Variants in CAPN13 observed in about 807,000 individuals in gnomAD.
The protein encoded by CAPN13 is calpain-13.
A neutral mutation model predicts 98.4 loss-of-function variants in CAPN13; 90 were observed. The ratio of observed to expected loss-of-function variants is 0.92; its 90% confidence interval spans 0.77 to 1.09. CAPN13 has a LOEUF of 1.09. Among genes scored for constraint, CAPN13 ranks in the 50% least tolerant of loss-of-function variants. The pLI, the probability that CAPN13 is intolerant of heterozygous loss-of-function variation, is 0.00. For synonymous variants in CAPN13, 330 were observed against 305.5 expected (o/e 1.08, Z -0.84); for missense variants, 887 against 841.3 (o/e 1.05, Z -0.67).
intron 12 of CAPN13, 86 bp from the exon 13 acceptor site, chr2:30,743,665 G>T: frequency 1.7e-6 from 2 of 1,148,166 alleles, no homozygotes; most frequent in South Asian, 1.3e-5. Flanking sequence ...CCACCTTCTA[G>T]ACCGTCTCCA....
chr2:30,797,821 C>G (rs1674963977), intron 1 of CAPN13, among the ~76,000 whole-genome samples: 2 of 152,238 alleles, frequency 1.3e-5, no homozygotes, highest in South Asian at 4.1e-4. Flanking sequence ...TTGCCTCTGG[C>G]CCTAAGCCAT....
Position 30,754,294 on chromosome 2 carries a change from A to G in CAPN13, c.937T>C (p.Phe313Leu), listed in dbSNP as rs1242921780. The G allele has an allele frequency of 2.5e-6, 4 of 1,603,296 alleles. No homozygotes were observed. The highest frequency in any genetic ancestry group is 3.4e-6 in the Non-Finnish European group (4 of 1,175,292). ...TTGTATAAGAAGGGTAAATACCAAAACTCGCCATCTTCCCGTTTCTTATGT... is the reference window on the plus strand; with the variant it reads ...TTGTATAAGAAGGGTAAATACCAAAGCTCGCCATCTTCCCGTTTCTTATGT... ...QLHKKREDGE[F>L]WMSCQDFQQK... The change falls in exon 9 of 23, where the codon TTT (phenylalanine) becomes CTT (leucine). Residue 313 changes from phenylalanine to leucine, a missense_variant. Phe to Leu is a conservative substitution (Grantham distance 22). Transcript: ENST00000295055.
chr2:30,746,600 G>T, intron 11 of CAPN13: 2 of 200,458 alleles, frequency 1.0e-5, no homozygotes, highest in South Asian at 9.2e-5. Context: ...CATGCTTGTG[G>T]ATAGATTTGG....
intron 1 of CAPN13, chr2:30,806,187 C>T (rs974966241): frequency 6.6e-6 from 1 of 152,156 alleles, no homozygotes; most frequent in African/African-American, 2.4e-5. Flanking sequence ...CTACCAGGCA[C>T]AGCAGAACTC....
intron 18 of CAPN13, 63 bp from the exon 19 acceptor site, chr2:30,734,587 C>G: frequency 7.5e-7 from 1 of 1,330,684 alleles, no homozygotes; most frequent in South Asian, 1.2e-5. Flanking sequence ...TACTCCTTTT[C>G]CATCCTGGGA....
Position 30,731,346 on chromosome 2 carries a change from C to T in CAPN13, c.1981G>A (p.Glu661Lys). ...DGKGLYLTEM[E>K]WMSLVMYN Reference sequence around the variant, plus strand: ...CCGGGGAGGGGAAGGTACCTCACCTCCATTTCTGTCAGGTAGAGTCCTTTT... The same window carrying T: ...CCGGGGAGGGGAAGGTACCTCACCTTCATTTCTGTCAGGTAGAGTCCTTTT... The change falls in exon 21 of 23, where the codon GAG (glutamate) becomes AAG (lysine). Residue 661 changes from glutamate (E) to lysine (K), a missense_variant and splice_region_variant. Glu to Lys is a moderately conservative substitution (Grantham distance 56, BLOSUM62 1). Coordinates refer to ENST00000295055, the MANE Select transcript of CAPN13 (RefSeq NM_144575.3). 1.9e-6 allele frequency: 3 copies of T among 1,609,638 alleles called. No individual in the cohort carries two copies. Among genetic ancestry groups the T allele is most frequent in the Non-Finnish European group, 2.5e-6 (3 of 1,177,902 alleles).
At chr2:30,779,926 G>C (rs1345815962) in intron 2 of CAPN13, among the ~76,000 whole-genome samples, 1 of 152,030 alleles carries the variant, frequency 6.6e-6, no homozygotes, top group Non-Finnish European at 1.5e-5. Context: ...GGGTTACATA[G>C]ACCCAACCTT....
At chr2:30,782,491 C>T (rs781132190) in intron 2 of CAPN13, among the ~76,000 whole-genome samples, 3 of 152,184 alleles carry the variant, frequency 2.0e-5, no homozygotes, top group Non-Finnish European at 4.4e-5. Flanking sequence ...ATTTTCATAA[C>T]CTAACCTGCA....
At chr2:30,758,798 T>TCCTCCCTC (rs1360088086) in intron 7 of CAPN13, among the ~76,000 whole-genome samples, 2 of 70,668 alleles carry the variant, frequency 2.8e-5, no homozygotes, top group Admixed American at 1.7e-4. Context: ...TTCCTTTCCT[T>TCCTCCCTC]CCTCCCTCCC....
intron 2 of CAPN13, among the ~76,000 whole-genome samples, chr2:30,779,545 C>T (rs1176609652): frequency 6.6e-6 from 1 of 152,216 alleles, no homozygotes; most frequent in South Asian, 2.1e-4. Context: ...AAATACTTAG[C>T]GCAGTGTCTG....
At chr2:30,787,074 G>A (rs1674322490) in intron 2 of CAPN13, 54 bp downstream of exon 2, 9 of 1,405,342 alleles carry the variant, frequency 6.4e-6, no homozygotes, top group Non-Finnish European at 8.6e-6. Flanking sequence ...AGGTGCCATG[G>A]CAGGCGACTC....
intron 1 of CAPN13, among the ~76,000 whole-genome samples, chr2:30,795,932 TATA>T (rs1342462390): frequency 2.6e-5 from 4 of 151,838 alleles, no homozygotes; most frequent in Non-Finnish European, 5.9e-5. Context: ...CTTATAGCTC[TATA>T]ATAATATTTT....
intron 17 of CAPN13, 74 bp from the exon 18 acceptor site, chr2:30,736,645 G>C: frequency 7.2e-7 from 1 of 1,379,500 alleles, no homozygotes; most frequent in South Asian, 1.2e-5. Flanking sequence ...AACAAAGCCA[G>C]AGCAGGCCCA....
intron 8 of CAPN13, among the ~76,000 whole-genome samples, chr2:30,755,977 G>A (rs1417632706): frequency 3.3e-5 from 5 of 151,958 alleles, no homozygotes; most frequent in Admixed American, 6.6e-5. Flanking sequence ...GGAAGAAATC[G>A]ACCACCTGCT....
At chr2:30,776,882 T>C (rs552632158) in intron 3 of CAPN13, among the ~76,000 whole-genome samples, 1 of 152,302 alleles carries the variant, frequency 6.6e-6, no homozygotes, top group African/African-American at 2.4e-5. Context: ...GGGGAACCCT[T>C]GGCTGGTGGC....
At position 30,752,920 on chromosome 2, in the gene CAPN13, G is replaced by A. The variant is rs144094935; in HGVS notation, c.1087+133C>T. The A allele has an allele frequency of 1.1e-3, 1,134 of 998,504 alleles. 13 individuals are homozygous for A. The African/African-American group carries it at 0.016, about 14-fold the overall frequency. 61.9% of individuals were successfully genotyped at this position (998,504 alleles called of 1,614,324 possible). A position where few individuals can be genotyped will look rare whatever the true frequency, so the allele number is the denominator to read the frequency against. ...GGAGCAGTCGCTGTCTCTTCATGCTGACAAACTCCCCTCCTTTCAGCTTCA... is the reference window on the plus strand; with the variant it reads ...GGAGCAGTCGCTGTCTCTTCATGCTAACAAACTCCCCTCCTTTCAGCTTCA... On this transcript the variant is annotated intron_variant, in intron 10 of 22. Coordinates refer to ENST00000295055, the MANE Select transcript of CAPN13 (RefSeq NM_144575.3).
chr2:30,764,975 T>A (rs1284241527), intron 5 of CAPN13, among the ~76,000 whole-genome samples: 1 of 152,094 alleles, frequency 6.6e-6, no homozygotes, highest in Non-Finnish European at 1.5e-5. Flanking sequence ...GAAGGTAACA[T>A]AGGTAAGGAT....
intron 11 of CAPN13, among the ~76,000 whole-genome samples, chr2:30,750,073 C>T (rs1672098495): frequency 6.6e-6 from 1 of 152,132 alleles, no homozygotes; most frequent in South Asian, 2.1e-4. Context: ...GCCCATCCAT[C>T]AATGACAGAT....
rs373175442 is a variant in CAPN13, at chr2:30,738,239, A to G, written c.1649T>C (p.Met550Thr). The G allele has an allele frequency of 6.8e-6, 11 of 1,613,874 alleles. No homozygotes were observed. The African/African-American group carries it at 1.1e-4, about 16-fold the overall frequency. The stretch of plus-strand genomic sequence containing the variant: ...AGGGATGACCGCAAAGGATACTTCC[A>G]TCAGAGCCACCAAGCTGCGGCACTC... ...LDECRSLVAL[M>T]ELKVNGRLDQ... is the part of the protein sequence containing the mutation. The change falls in exon 17 of 23, where the codon ATG (methionine) becomes ACG (threonine). Residue 550 changes from methionine to threonine, a missense_variant. Coordinates refer to ENST00000295055, the MANE Select transcript of CAPN13 (RefSeq NM_144575.3).
Sources: gnomAD v4.1 joint callset for allele counts (sites outside exome capture counted in the v4.1 genomes callset) on GRCh38, gnomAD v4.1.1 for gene constraint, MANE v1.5 for transcripts, NCBI Gene and HGNC (gene_info 2026-07-23, HGNC 2026-07-21) for gene names.